Variants in RADIL observed in about 807,000 individuals in gnomAD.
RADIL encodes ras-associating and dilute domain-containing protein.
Under a neutral mutation model 97.6 loss-of-function variants are expected in RADIL, and 99 were observed. The ratio of observed to expected loss-of-function variants is 1.01; its 90% confidence interval spans 0.86 to 1.20. RADIL has a LOEUF of 1.20. Ranked by LOEUF, RADIL falls within the 50% of genes most tolerant of loss-of-function variation. RADIL has a pLI of 0.00. For synonymous variants in RADIL, 803 were observed against 691.8 expected (o/e 1.16, Z -2.52); for missense variants, 1,765 against 1,498.9 (o/e 1.18, Z -2.93).
intron 2 of RADIL, among the ~76,000 whole-genome samples, chr7:4,855,381 A>G (rs1783801229): frequency 6.6e-6 from 1 of 152,072 alleles, no homozygotes; most frequent in South Asian, 2.1e-4. Context: ...TGGTCACCCC[A>G]AAGACTAAGG....
At position 4,837,334 on chromosome 7, in the gene RADIL, A is replaced by T. The variant is rs1783326855; in HGVS notation, c.536-729T>A. ...CCGCCTCCAGAGCCCTGCCCCATCC[A>T]TCTGTGCACCAGGCGAAACTCCCCT... On this transcript the variant is annotated intron_variant, in intron 2 of 14. Transcript: ENST00000399583. This position sits in a 1 kb window ranked among gnomAD's most constrained non-coding sequence, Gnocchi z 5.6. Among the ~76,000 whole-genome samples, 2 of 152,084 alleles carry T rather than the reference A, an allele frequency of 1.3e-5. No homozygotes were observed. Among genetic ancestry groups the T allele is most frequent in the Admixed American group, 6.5e-5 (1 of 15,280 alleles).
At position 4,880,679 on chromosome 7, in the gene RADIL, T is replaced by C. The variant is rs1784465230; in HGVS notation, c.-64-2476A>G. ...GGTTCCCCAGGGTGCAAAGGCAAAG[T>C]GCAGGTGGTGGATGGTACAGCCTCT... On this transcript the variant is annotated intron_variant, in intron 1 of 14. Transcript: ENST00000399583. This position sits in a 1 kb window ranked among gnomAD's most constrained non-coding sequence, Gnocchi z 4.5. Among the ~76,000 whole-genome samples the C allele has an allele frequency of 6.6e-6, 1 of 152,186 alleles. No homozygotes were observed. Among genetic ancestry groups the C allele is most frequent in the Non-Finnish European group, 1.5e-5 (1 of 68,022 alleles).
rs1362515906 is a variant in RADIL at position 4,803,728 on chromosome 7, G to A, written c.2317C>T (p.Pro773Ser). Residue 773 changes from proline to serine, a missense_variant, in exon 11 of 15, where the codon CCC becomes TCC. Transcript: ENST00000399583. ...TCGCTGGGCAGGACGATGGGTGGGG[G>A]GTTTTCGTAGGACTCCAGAACATCC... is the stretch of plus-strand genomic sequence containing the variant. ...SEDVLESYENPPPIVLPSDGF... is the reference protein window; with the variant it reads ...SEDVLESYENSPPIVLPSDGF... 4 of 1,566,120 alleles carry A rather than the reference G, an allele frequency of 2.6e-6. No individual in the cohort carries two copies. In the South Asian group the frequency reaches 4.7e-5, roughly 18 times the overall value.
At chr7:4,803,392 G>A (rs1782181135) in intron 11 of RADIL, among the ~76,000 whole-genome samples, 154 bp downstream of exon 11, 1 of 124,866 alleles carries the variant, frequency 8.0e-6, no homozygotes, top group Admixed American at 7.6e-5. Flanking sequence ...CCCTCCCCGG[G>A]CACCTCGGGG....
Position 4,860,374 on chromosome 7 carries a change from C to T in RADIL, c.535+17231G>A, listed in dbSNP as rs187469584. On this transcript the variant is annotated intron_variant, in intron 2 of 14. Transcript: ENST00000399583. ...GCATTGCAGTAATTTTCATACCCAT[C>T]TCAAACATCTTACTATTCACTGCTT... is the stretch of plus-strand genomic sequence containing the variant. The T allele has an allele frequency of 2.2e-4, 358 of 1,613,962 alleles. No individual in the cohort carries two copies. The African/African-American group carries it at 4.4e-3, about 20-fold the overall frequency.
At chr7:4,805,379 C>T in intron 10 of RADIL, 187 bp downstream of exon 10, 1 of 636,520 alleles carries the variant, frequency 1.6e-6, no homozygotes, top group Non-Finnish European at 2.4e-6. Context: ...GAGGAGGTCC[C>T]CGGATCCCCA....
intron 2 of RADIL, chr7:4,861,006 G>T: frequency 6.2e-7 from 1 of 1,614,218 alleles, no homozygotes; most frequent in Non-Finnish European, 8.5e-7. Context: ...TTCCGTACAA[G>T]AGTTGACGCT....
At position 4,835,036 on chromosome 7, in the gene RADIL, G is replaced by A. The variant is rs1783256424; in HGVS notation, c.987C>T (p.Phe329=). ...PIPGAHISVN[F]SEVGHRTVVL... is the part of the protein sequence containing the mutation. ...CCACGGTCCTGTGCCCCACCTCGGA[G>A]AAGTTGACGGAGATGTGCGCCCCGG... The change falls in exon 4 of 15, where the codon TTC becomes TTT. Residue 329 remains phenylalanine (F), a synonymous_variant. Transcript: ENST00000399583. The surrounding 1 kb of genome is among the most constrained non-coding windows in gnomAD (Gnocchi z 5.8). The A allele has an allele frequency of 6.2e-7, 1 of 1,610,336 alleles. No individual in the cohort carries two copies. The highest frequency in any genetic ancestry group is 8.5e-7 in the Non-Finnish European group (1 of 1,178,868).
chr7:4,840,225 T>C lies in RADIL; in HGVS notation c.536-3620A>G, dbSNP rs570970419. Among the ~76,000 whole-genome samples, 12 of 152,150 alleles carry C rather than the reference T, an allele frequency of 7.9e-5. No individual in the cohort carries two copies. The highest frequency in any genetic ancestry group is 1.3e-4 in the Admixed American group (2 of 15,278). ...GCCGACATGGCCTCCCAAGTTCCCA[T>C]AGAGAGAGCTGCAATCGTGCCCTGT... On this transcript the variant is annotated intron_variant, in intron 2 of 14. Transcript: ENST00000399583. The surrounding 1 kb of genome is among the most constrained non-coding windows in gnomAD (Gnocchi z 5.6).
intron 2 of RADIL, among the ~76,000 whole-genome samples, chr7:4,838,939 A>C (rs1248652705): frequency 6.6e-6 from 1 of 151,634 alleles, no homozygotes; most frequent in Non-Finnish European, 1.5e-5. Context: ...ACTCGTGCAC[A>C]CATGCATGCA....
At chr7:4,869,977 T>C (rs1280248390) in intron 2 of RADIL, among the ~76,000 whole-genome samples, 1 of 151,842 alleles carries the variant, frequency 6.6e-6, no homozygotes, top group African/African-American at 2.4e-5. Context: ...CCAAAAAAAA[T>C]AAAATAAAGA....
At position 4,883,696 on chromosome 7, in the gene RADIL, C is replaced by T. The variant is rs923890785; in HGVS notation, c.-165G>A. 2 of 152,044 alleles carry T rather than the reference C, an allele frequency of 1.3e-5. No homozygotes were observed. The highest frequency in any genetic ancestry group is 4.8e-5 in the African/African-American group (2 of 41,534). The allele number at this position is 152,044 out of a possible 1,614,324, so 9.4% of individuals were successfully genotyped here. On this transcript the variant is annotated 5_prime_UTR_variant, in exon 1 of 15. Coordinates refer to ENST00000399583, the MANE Select transcript of RADIL (RefSeq NM_018059.5). The surrounding 1 kb of genome is among the most constrained non-coding windows in gnomAD (Gnocchi z 7.1). ...CCGCGCGTGCCGCGGCGCCTCCTGC[C>T]GGCGGCGCAACGGGCGGGGCGGGGC...
intron 2 of RADIL, among the ~76,000 whole-genome samples, chr7:4,876,686 G>C (rs1472834395): frequency 1.3e-5 from 2 of 152,212 alleles, no homozygotes; most frequent in Admixed American, 1.3e-4. Context: ...GTGGGCCCCA[G>C]GCCCCGGGGC....
At chr7:4,860,449 G>A (rs759559823) in intron 2 of RADIL, 1 of 1,614,166 alleles carries the variant, frequency 6.2e-7, no homozygotes. Flanking sequence ...TGAGATCAAT[G>A]CTGAGAATTT....
At chr7:4,825,740 G>A (rs1326104042) in intron 5 of RADIL, among the ~76,000 whole-genome samples, 1 of 152,086 alleles carries the variant, frequency 6.6e-6, no homozygotes, top group African/African-American at 2.4e-5. Flanking sequence ...GCTGGGCGTG[G>A]TGGCATGTTC....
chr7:4,876,826 C>T (rs1028543447), intron 2 of RADIL, among the ~76,000 whole-genome samples: 15 of 152,182 alleles, frequency 9.9e-5, no homozygotes, highest in African/African-American at 2.7e-4. Context: ...CACAGACCCG[C>T]GGTACGCTGA....
At chr7:4,805,921 G>A in intron 9 of RADIL, 1 of 985,320 alleles carries the variant, frequency 1.0e-6, no homozygotes, top group East Asian at 1.1e-4. Flanking sequence ...CCAGGGAGAG[G>A]CCGGCCAGTG....
In RADIL at chr7:4,836,609, G is replaced by A. The variant is rs772372453; in HGVS notation, c.536-4C>T. 2.5e-6 allele frequency: 4 copies of A among 1,606,220 alleles called. No homozygotes were observed. The South Asian group carries it at 4.4e-5, about 18-fold the overall frequency. ...CTCCGGGCCTGGGCGTTTATCCCTG[G>A]AACAGAAGCAACACAAGGTGAACAG... On this transcript the variant is annotated splice_region_variant and splice_polypyrimidine_tract_variant and intron_variant, in intron 2 of 14. Coordinates refer to ENST00000399583, the MANE Select transcript of RADIL (RefSeq NM_018059.5).
rs1449543803 is a variant in RADIL at position 4,817,106 on chromosome 7, G to A, written c.1728+133C>T. 1 of 730,936 alleles carries A rather than the reference G, an allele frequency of 1.4e-6. No individual in the cohort carries two copies. The highest frequency in any genetic ancestry group is 1.8e-5 in the African/African-American group (1 of 56,398). 45.3% of individuals were successfully genotyped at this position (730,936 alleles called of 1,614,324 possible). On this transcript the variant is annotated intron_variant, in intron 7 of 14. Coordinates refer to ENST00000399583, the MANE Select transcript of RADIL (RefSeq NM_018059.5). The surrounding 1 kb of genome is among the most constrained non-coding windows in gnomAD (Gnocchi z 8.3). ...GCAGAACCTGCAGCCACTGCTCCCT[G>A]ATGAAGTGGAGCTTGTCACGGTCCC...
Sources: gnomAD v4.1 joint callset for allele counts (sites outside exome capture counted in the v4.1 genomes callset) on GRCh38, gnomAD v4.1.1 for gene constraint, Gnocchi (gnomAD v3.1) non-coding constraint, MANE v1.5 for transcripts, NCBI Gene and HGNC (gene_info 2026-07-23, HGNC 2026-07-21) for gene names.